The following PTPRT variants were observed in gnomAD, a reference collection of about 807,000 sequenced individuals.
The protein encoded by PTPRT is protein tyrosine phosphatase receptor type T.
Under a neutral mutation model 176.8 loss-of-function variants are expected in PTPRT, and 56 were observed. That is an observed-to-expected ratio of 0.32 (90% CI 0.26 to 0.40). The LOEUF (loss-of-function observed/expected upper bound fraction) is 0.40. Among genes scored for constraint, PTPRT ranks in the 10% least tolerant of loss-of-function variants. The pLI is 1.00. For synonymous variants in PTPRT, 783 were observed against 739.0 expected (o/e 1.06, Z -0.96); for missense variants, 1,540 against 1,908.2 (o/e 0.81, Z 3.60).
chr20:42,619,112 AG>A (rs1345195578), intron 7 of PTPRT, among the ~76,000 whole-genome samples: 2 of 150,462 alleles, frequency 1.3e-5, no homozygotes, highest in African/African-American at 5.0e-5. Context: ...CGCTTCCTTC[AG>A]GAGCTCTTTT....
At chr20:42,777,669 GTTC>G (rs1184433982) in intron 4 of PTPRT, among the ~76,000 whole-genome samples, 1 of 152,138 alleles carries the variant, frequency 6.6e-6, no homozygotes, top group African/African-American at 2.4e-5. Flanking sequence ...GCCTAGGAAA[GTTC>G]TTAACACATA....
chr20:42,796,693 A>G (rs1204032913), intron 2 of PTPRT, among the ~76,000 whole-genome samples: 1 of 152,232 alleles, frequency 6.6e-6, no homozygotes, highest in African/African-American at 2.4e-5. Context: ...TACATGTCAC[A>G]TGACTTAGGA....
chr20:42,085,066 C>T (rs192381671), intron 28 of PTPRT, among the ~76,000 whole-genome samples: 235 of 152,298 alleles, frequency 1.5e-3, no homozygotes, highest in Middle Eastern at 6.8e-3. Context: ...TGAAAAACTC[C>T]TGCTCAGCCT....
intron 7 of PTPRT, among the ~76,000 whole-genome samples, chr20:42,527,386 A>T (rs1051160694): frequency 6.6e-6 from 1 of 152,154 alleles, no homozygotes; most frequent in Admixed American, 6.5e-5. Context: ...TTATTGGCTT[A>T]TGGTACACTG....
At chr20:42,972,363 C>A (rs1600609194) in intron 1 of PTPRT, among the ~76,000 whole-genome samples, 1 of 151,432 alleles carries the variant, frequency 6.6e-6, no homozygotes, top group African/African-American at 2.4e-5. Context: ...CTCTACAAGT[C>A]AGAATAAAGA....
At chr20:42,973,986 G>A (rs1982802060) in intron 1 of PTPRT, among the ~76,000 whole-genome samples, 1 of 152,068 alleles carries the variant, frequency 6.6e-6, no homozygotes, top group South Asian at 2.1e-4. Flanking sequence ...AGTATTTGGG[G>A]AGACAGCTGA....
At chr20:42,408,734 C>A (rs1362552027) in intron 9 of PTPRT, among the ~76,000 whole-genome samples, 5 of 152,160 alleles carry the variant, frequency 3.3e-5, no homozygotes, top group African/African-American at 9.7e-5. Flanking sequence ...GATTATCTAA[C>A]TATCTCGGTC....
intron 7 of PTPRT, among the ~76,000 whole-genome samples, chr20:42,671,944 T>C (rs1358424220): frequency 6.6e-6 from 1 of 152,246 alleles, no homozygotes; most frequent in Admixed American, 6.5e-5. Context: ...AGTTATCTGC[T>C]GATCTCTCCT....
At chr20:42,892,055 T>C (rs913022823) in intron 1 of PTPRT, among the ~76,000 whole-genome samples, 7 of 152,256 alleles carry the variant, frequency 4.6e-5, no homozygotes, top group Admixed American at 3.3e-4. Context: ...CCAGGGGCTA[T>C]AGTTTGCCAA....
intron 2 of PTPRT, among the ~76,000 whole-genome samples, chr20:42,876,944 G>C (rs549773295): frequency 6.6e-6 from 1 of 152,100 alleles, no homozygotes; most frequent in African/African-American, 2.4e-5. Context: ...CATTTGTGCC[G>C]GGGTTTGATT....
chr20:42,520,365 A>G (rs936606837), intron 7 of PTPRT, among the ~76,000 whole-genome samples: 1 of 152,172 alleles, frequency 6.6e-6, no homozygotes, highest in South Asian at 2.1e-4. Context: ...TCCCAGTAAC[A>G]TACCCTTTTC....
intron 1 of PTPRT, among the ~76,000 whole-genome samples, chr20:43,030,699 G>T (rs942593714): frequency 4.6e-5 from 7 of 152,184 alleles, no homozygotes; most frequent in African/African-American, 1.7e-4. Flanking sequence ...GGAACAAATG[G>T]AGACATCTAA....
chr20:43,119,491 A>G (rs6030661), intron 1 of PTPRT, among the ~76,000 whole-genome samples: 39,942 of 152,070 alleles, frequency 0.26, 5,305 homozygotes, highest in African/African-American at 0.27. Context: ...CCCTGGATTC[A>G]AGGAAGAATC....
At chr20:42,246,636 A>G (rs1254367138) in intron 14 of PTPRT, among the ~76,000 whole-genome samples, 1 of 152,256 alleles carries the variant, frequency 6.6e-6, no homozygotes, top group Non-Finnish European at 1.5e-5. Context: ...CATTTCAGAA[A>G]TAGCTGTGAG....
chr20:42,245,822 A>G (rs1240893881), intron 14 of PTPRT, among the ~76,000 whole-genome samples: 1 of 152,020 alleles, frequency 6.6e-6, no homozygotes, highest in African/African-American at 2.4e-5. Context: ...GGGGGCTTTG[A>G]GTCAGCTGAA....
Position 42,582,639 on chromosome 20 carries a change from C to T in PTPRT, c.1153+95227G>A, listed in dbSNP as rs568769648. On this transcript the variant is annotated intron_variant, in intron 7 of 30. Transcript: ENST00000373187. The stretch of plus-strand genomic sequence containing the variant: ...AAAATTTGCACAGAGACTCCCCAAA[C>T]TCTGGCAACTGTGGTTATCTGTGAT... Among the ~76,000 whole-genome samples the T allele has an allele frequency of 2.8e-4, 43 of 152,312 alleles. 1 individual carries two copies. The highest frequency in any genetic ancestry group is 1.4e-3 in the Admixed American group (21 of 15,300).
At chr20:42,104,079 G>GC (rs1197823948) in intron 25 of PTPRT, among the ~76,000 whole-genome samples, 2 of 152,172 alleles carry the variant, frequency 1.3e-5, no homozygotes, top group Non-Finnish European at 2.9e-5. Flanking sequence ...CGTAATCTTA[G>GC]CCCCCAATGT....
chr20:43,185,124 A>ACTGCTTT (rs2146489847), intron 1 of PTPRT, among the ~76,000 whole-genome samples: 1 of 152,282 alleles, frequency 6.6e-6, no homozygotes, highest in African/African-American at 2.4e-5. Context: ...AGACACGCTA[A>ACTGCTTT]CTGCTTTCTA....
At chr20:42,455,165 T>G (rs2070898678) in intron 8 of PTPRT, among the ~76,000 whole-genome samples, 1 of 152,196 alleles carries the variant, frequency 6.6e-6, no homozygotes, top group African/African-American at 2.4e-5. Context: ...GAAGTATAAT[T>G]TTTAAGTAAA....
Sources: allele counts gnomAD v4.1 joint callset (sites outside exome capture counted in the v4.1 genomes callset), GRCh38; gene constraint gnomAD v4.1.1; transcripts MANE v1.5; gene names NCBI Gene and HGNC (gene_info 2026-07-23, HGNC 2026-07-21).